The following PDE1C variants were observed in gnomAD, a reference collection of about 807,000 sequenced individuals.
PDE1C encodes phosphodiesterase 1C.
In PDE1C, 62 loss-of-function variants were observed where a neutral mutation model predicts 93.1. The ratio of observed to expected loss-of-function variants is 0.67; its 90% confidence interval spans 0.54 to 0.82. The LOEUF (loss-of-function observed/expected upper bound fraction) is 0.82, where lower values mean the gene tolerates loss of function less well. Ranked by LOEUF, PDE1C falls within the 40% of genes least tolerant of loss-of-function variation. The pLI, the probability that PDE1C is intolerant of heterozygous loss-of-function variation, is 0.00. For synonymous variants in PDE1C, 325 were observed against 310.1 expected (o/e 1.05, Z -0.50); for missense variants, 742 against 884.6 (o/e 0.84, Z 2.04).
intron 2 of PDE1C, among the ~76,000 whole-genome samples, chr7:32,020,519 A>T (rs1165359188): frequency 6.6e-6 from 1 of 152,164 alleles, no homozygotes; most frequent in Admixed American, 6.6e-5. Context: ...ATGTTCTTTC[A>T]AAGTTGGCCA....
chr7:31,905,986 T>A (rs1800543807), intron 2 of PDE1C, among the ~76,000 whole-genome samples: 1 of 152,172 alleles, frequency 6.6e-6, no homozygotes, highest in Admixed American at 6.6e-5. Flanking sequence ...ACATGTTTGC[T>A]TCCCCTTCCC....
In PDE1C at chr7:31,775,642, T is replaced by C. The variant is rs746919079; in HGVS notation, c.1960+22A>G. The C allele has an allele frequency of 8.7e-6, 14 of 1,604,072 alleles. No individual in the cohort carries two copies. In the Admixed American group the frequency reaches 1.2e-4, roughly 13 times the overall value. Reference sequence around the variant, plus strand: ...CCATTGTCTGTGGTCACTAAGATAATGGTGCAATGCTGTTTACCCACCTGG... The same window carrying C: ...CCATTGTCTGTGGTCACTAAGATAACGGTGCAATGCTGTTTACCCACCTGG... On this transcript the variant is annotated intron_variant, in intron 17 of 17. Coordinates refer to ENST00000396191, the MANE Select transcript of PDE1C (RefSeq NM_001191057.4).
At chr7:31,744,070 G>A in the PDE1C span, among the ~76,000 whole-genome samples, 1 of 152,092 alleles carries the variant, frequency 6.6e-6, no homozygotes, top group African/African-American at 2.4e-5. Flanking sequence ...GTCAGCATTA[G>A]CATACTAAGA....
chr7:31,930,540 A>G (rs62456033), intron 2 of PDE1C, among the ~76,000 whole-genome samples: 15,177 of 152,122 alleles, frequency 0.1, 969 homozygotes, highest in Admixed American at 0.21. Context: ...AACCAGCAGC[A>G]TATCAAAAAG....
chr7:32,107,925 A>G (rs190509072), intron 3 of PDE1C, among the ~76,000 whole-genome samples: 186 of 152,186 alleles, frequency 1.2e-3, no homozygotes, highest in African/African-American at 4.2e-3. Flanking sequence ...GTGTTACTTA[A>G]AAGTGGATTT....
the PDE1C span, among the ~76,000 whole-genome samples, chr7:31,701,508 G>T: frequency 6.6e-6 from 1 of 152,288 alleles, no homozygotes; most frequent in Admixed American, 6.5e-5. Flanking sequence ...GACAACAAAG[G>T]GTTTAGAATA....
intron 2 of PDE1C, among the ~76,000 whole-genome samples, chr7:31,992,177 A>G (rs901132200): frequency 6.6e-6 from 1 of 152,236 alleles, no homozygotes. Context: ...TGGTTTCACA[A>G]GGATATCCTG....
At chr7:32,052,041 A>G (rs764521888) in intron 1 of PDE1C, among the ~76,000 whole-genome samples, 1 of 152,274 alleles carries the variant, frequency 6.6e-6, no homozygotes, top group South Asian at 2.1e-4. Flanking sequence ...TGTTGTCACT[A>G]TCGTTACTAT....
Position 31,879,018 on chromosome 7 carries a change from G to A in PDE1C, c.403C>T (p.Gln135Ter). 6.2e-7 allele frequency: 1 copy of A among 1,614,112 alleles called. No individual in the cohort carries two copies. Among genetic ancestry groups the A allele is most frequent in the African/African-American group, 1.3e-5 (1 of 75,044 alleles). Residue 135 changes from glutamine (Q) to a stop codon, truncating the protein, a stop_gained, in exon 4 of 18, where the codon CAG becomes TAG. Transcript: ENST00000396191. LOFTEE classifies it high-confidence loss of function. ...PRFKSIVHAV[Q>*]AGIFVERMYR... ...TACCTCTCCACAAATATCCCAGCCT[G>A]CACTGCGTGAACGATGCTCTTGAAC...
chr7:31,948,588 C>T (rs564575318), intron 2 of PDE1C, among the ~76,000 whole-genome samples: 95 of 152,164 alleles, frequency 6.2e-4, no homozygotes, highest in Middle Eastern at 3.4e-3. Flanking sequence ...ATATCTTCTC[C>T]GGGCCCTTTT....
chr7:32,045,682 T>C (rs901315791), intron 2 of PDE1C, among the ~76,000 whole-genome samples: 3 of 152,186 alleles, frequency 2.0e-5, no homozygotes, highest in African/African-American at 7.2e-5. Context: ...GGGACAACAG[T>C]CTACCAATTC....
chr7:31,883,976 C>T (rs1797572580), intron 2 of PDE1C, among the ~76,000 whole-genome samples: 1 of 152,196 alleles, frequency 6.6e-6, no homozygotes, highest in African/African-American at 2.4e-5. Flanking sequence ...AAACCCTAGC[C>T]AAGTGGTTTC....
At chr7:32,367,531 AAGAC>A (rs1784250310) in intron 1 of PDE1C, among the ~76,000 whole-genome samples, 1 of 152,228 alleles carries the variant, frequency 6.6e-6, no homozygotes, top group Admixed American at 6.5e-5. Flanking sequence ...CTCACCTGTA[AAGAC>A]AGACAGGCTG....
intron 2 of PDE1C, among the ~76,000 whole-genome samples, chr7:32,024,850 A>G (rs530827966): frequency 1.3e-5 from 2 of 152,266 alleles, no homozygotes; most frequent in Admixed American, 6.5e-5. Context: ...AGGCAACTGC[A>G]GATTCCTCTT....
chr7:32,380,046 C>G (rs142224106), intron 1 of PDE1C, among the ~76,000 whole-genome samples: 2 of 152,248 alleles, frequency 1.3e-5, no homozygotes, highest in East Asian at 3.9e-4. Flanking sequence ...TTCCCCCTAT[C>G]TATTGGATCA....
intron 1 of PDE1C, among the ~76,000 whole-genome samples, chr7:32,361,527 G>A (rs573751759): frequency 8.5e-4 from 130 of 152,258 alleles, no homozygotes; most frequent in African/African-American, 1.5e-3. Context: ...CACGCCCTGC[G>A]CACACTGCCC....
the PDE1C span, chr7:31,656,496 T>C: frequency 3.1e-6 from 3 of 981,128 alleles, no homozygotes; most frequent in African/African-American, 5.3e-5. Context: ...CAATAAATGC[T>C]AACTGTAATT....
chr7:31,739,839 G>A, the PDE1C span, among the ~76,000 whole-genome samples: 1 of 152,188 alleles, frequency 6.6e-6, no homozygotes, highest in Non-Finnish European at 1.5e-5. Flanking sequence ...ACCCAAAATG[G>A]TGGTCTCAAA....
chr7:32,358,738 T>C (rs559844131), intron 1 of PDE1C, among the ~76,000 whole-genome samples: 85 of 152,136 alleles, frequency 5.6e-4, no homozygotes, highest in Non-Finnish European at 2.1e-4. Context: ...GGTGAGGAAA[T>C]TGAGACACAG....
Sources: gnomAD v4.1 joint callset for allele counts (sites outside exome capture counted in the v4.1 genomes callset) on GRCh38, gnomAD v4.1.1 for gene constraint, MANE v1.5 for transcripts, NCBI Gene and HGNC (gene_info 2026-07-23, HGNC 2026-07-21) for gene names.